The following NET1 variants were observed in gnomAD, a reference collection of about 807,000 sequenced individuals.
NET1 encodes neuroepithelial cell transforming 1, also known as neuroepithelial cell-transforming gene 1 protein.
NET1 carries 42 observed loss-of-function variants against 61.1 expected under a neutral mutation model. The ratio of observed to expected loss-of-function variants is 0.69; its 90% confidence interval spans 0.54 to 0.89. The LOEUF is 0.89. Ranked by LOEUF, NET1 falls within the 40% of genes least tolerant of loss-of-function variation. The pLI is 0.00. For synonymous variants in NET1, 254 were observed against 281.8 expected (o/e 0.90, Z 0.99); for missense variants, 654 against 747.3 (o/e 0.88, Z 1.46).
At chr10:5,428,499 C>CAAA (rs11459465) in intron 2 of NET1, among the ~76,000 whole-genome samples, 29,622 of 147,616 alleles carry the variant, frequency 0.2, 3,113 homozygotes, top group Non-Finnish European at 0.22. Flanking sequence ...TGTTCCTTTT[C>CAAA]AAAAAAAAAA....
Position 5,422,517 on chromosome 10 carries a change from G to A in NET1, c.129-4138G>A, listed in dbSNP as rs1348335833. ...GCCTTCAGAATTTCTCTTTCCTTCT[G>A]TTACTTGCTGTTGTCATTATCCCCT... On this transcript the variant is annotated intron_variant, in intron 1 of 11. Coordinates refer to ENST00000355029, the MANE Select transcript of NET1 (RefSeq NM_001047160.3). The surrounding 1 kb of genome is among the most constrained non-coding windows in gnomAD (Gnocchi z 4.1). Among the ~76,000 whole-genome samples, 2 of 152,082 alleles carry A rather than the reference G, an allele frequency of 1.3e-5. No homozygotes were observed. The highest frequency in any genetic ancestry group is 1.3e-4 in the Admixed American group (2 of 15,272).
chr10:5,427,593 ATAT>A lies in NET1; in HGVS notation c.195+877_195+879del, dbSNP rs1399935969. Reference sequence around the variant, plus strand: ...TAGTTGGCCTTTCAAACCTGGGATCATATTATTCATAATTTTCTGTATCTTCTG... The same window carrying A: ...TAGTTGGCCTTTCAAACCTGGGATCATATTCATAATTTTCTGTATCTTCTG... On this transcript the variant is annotated intron_variant, in intron 2 of 11. Transcript: ENST00000355029. This position sits in a 1 kb window ranked among gnomAD's most constrained non-coding sequence, Gnocchi z 4.1. 6.6e-6 allele frequency among the ~76,000 whole-genome samples: 1 copy of A among 152,202 alleles called. No individual in the cohort carries two copies. Among genetic ancestry groups the A allele is most frequent in the Non-Finnish European group, 1.5e-5 (1 of 68,032 alleles).
Position 5,452,723 on chromosome 10 carries a change from C to A in NET1, c.532-135C>A. ...ATACGGCAACCTTGTATTTGAGATT[C>A]CATTCTGAATTACAATTTTCAGACT... On this transcript the variant is annotated intron_variant, in intron 5 of 11. Transcript: ENST00000355029. The surrounding 1 kb of genome is among the most constrained non-coding windows in gnomAD (Gnocchi z 4.0). 1 of 954,026 alleles carries A rather than the reference C, an allele frequency of 1.0e-6. No homozygotes were observed. Among genetic ancestry groups the A allele is most frequent in the East Asian group, 2.6e-5 (1 of 38,946 alleles). The allele number at this position is 954,026 out of a possible 1,614,324, so 59.1% of individuals were successfully genotyped here.
intron 3 of NET1, among the ~76,000 whole-genome samples, chr10:5,434,915 A>G (rs576948243): frequency 7.2e-5 from 11 of 152,158 alleles, no homozygotes; most frequent in Admixed American, 6.5e-4. Flanking sequence ...CTGCATCTCT[A>G]CCTACAAAAT....
intron 3 of NET1, among the ~76,000 whole-genome samples, chr10:5,450,475 T>TC (rs1179810794): frequency 2.6e-5 from 4 of 152,088 alleles, no homozygotes; most frequent in African/African-American, 9.7e-5. Context: ...GTCAATATAG[T>TC]CTTCAGTTGT....
Position 5,453,335 on chromosome 10 carries a change from C to A in NET1, c.680C>A (p.Pro227His). ...TTTGGTGATCTGGACTCTTACATAC[C>A]TCTGCATGAAGGTTAGATGTGCCAC... ...HIFGDLDSYIPLHEDLLTRIG... is the reference protein window; with the variant it reads ...HIFGDLDSYIHLHEDLLTRIG... Residue 227 changes from proline (P) to histidine (H), a missense_variant, in exon 7 of 12, where the codon CCT becomes CAT. By Grantham distance (77) the Pro-to-His change is moderately conservative. Transcript: ENST00000355029. The surrounding 1 kb of genome is among the most constrained non-coding windows in gnomAD (Gnocchi z 4.9). 6.2e-7 allele frequency: 1 copy of A among 1,608,684 alleles called. No homozygotes were observed. Among genetic ancestry groups the A allele is most frequent in the Non-Finnish European group, 8.5e-7 (1 of 1,175,046 alleles).
chr10:5,438,791 A>G lies in NET1; in HGVS notation c.255+9562A>G, dbSNP rs534809848. ...GCCAACACTACAAGAAAAGAAAACT[A>G]TAGACCAACACCATTTCTCAGCTGC... On this transcript the variant is annotated intron_variant, in intron 3 of 11. Coordinates refer to ENST00000355029, the MANE Select transcript of NET1 (RefSeq NM_001047160.3). 1.5e-4 allele frequency among the ~76,000 whole-genome samples: 23 copies of G among 152,338 alleles called. 1 individual carries two copies. In the East Asian group the frequency reaches 3.9e-3, roughly 26 times the overall value.
intron 3 of NET1, among the ~76,000 whole-genome samples, chr10:5,430,363 T>A (rs1449101364): frequency 1.3e-5 from 2 of 151,478 alleles, no homozygotes; most frequent in Non-Finnish European, 2.9e-5. Context: ...ATCTTTATTG[T>A]CTTAGATAAA....
intron 2 of NET1, among the ~76,000 whole-genome samples, chr10:5,428,147 G>A (rs142258358): frequency 1.1e-3 from 166 of 148,760 alleles, no homozygotes; most frequent in African/African-American, 3.8e-3. Flanking sequence ...GGAAGTTGAC[G>A]GGAACCCTAA....
In NET1 at chr10:5,456,517, T is replaced by C; in HGVS notation, c.1385-71T>C. Reference sequence around the variant, plus strand: ...TAAATTGACAGTCACGTTAAGATTGTATGACCACTTTGTCTAGAATAAACC... The same window carrying C: ...TAAATTGACAGTCACGTTAAGATTGCATGACCACTTTGTCTAGAATAAACC... On this transcript the variant is annotated intron_variant, in intron 11 of 11. Coordinates refer to ENST00000355029, the MANE Select transcript of NET1 (RefSeq NM_001047160.3). This position sits in a 1 kb window ranked among gnomAD's most constrained non-coding sequence, Gnocchi z 7.0. 2 of 1,410,704 alleles carry C rather than the reference T, an allele frequency of 1.4e-6. No individual in the cohort carries two copies. Among genetic ancestry groups the C allele is most frequent in the Non-Finnish European group, 9.6e-7 (1 of 1,041,212 alleles). The allele number at this position is 1,410,704 out of a possible 1,614,324, so 87.4% of individuals were successfully genotyped here.
Position 5,453,062 on chromosome 10 carries a change from G to A in NET1, c.594+142G>A. The A allele has an allele frequency of 2.8e-6, 2 of 716,578 alleles. No individual in the cohort carries two copies. Among genetic ancestry groups the A allele is most frequent in the Non-Finnish European group, 4.9e-6 (2 of 410,456 alleles). The allele number at this position is 716,578 out of a possible 1,614,324, so 44.4% of individuals were successfully genotyped here. A position where few individuals can be genotyped will look rare whatever the true frequency, so the allele number is the denominator to read the frequency against. The stretch of plus-strand genomic sequence containing the variant: ...ATACATTTTTTTTAGGTGAGGTCTA[G>A]ACACATCCTCAAATACAAGTATTAG... On this transcript the variant is annotated intron_variant, in intron 6 of 11. Transcript: ENST00000355029. The surrounding 1 kb of genome is among the most constrained non-coding windows in gnomAD (Gnocchi z 4.9).
Position 5,435,165 on chromosome 10 carries a change from G to A in NET1, c.255+5936G>A, listed in dbSNP as rs561261785. ...GTGTAGCAGGAGAAGTGTGCTACGG[G>A]ACCTATTCCAGACCAATTCCATATA... is the stretch of plus-strand genomic sequence containing the variant. On this transcript the variant is annotated intron_variant, in intron 3 of 11. Coordinates refer to ENST00000355029, the MANE Select transcript of NET1 (RefSeq NM_001047160.3). This position sits in a 1 kb window ranked among gnomAD's most constrained non-coding sequence, Gnocchi z 5.0. Among the ~76,000 whole-genome samples the A allele has an allele frequency of 4.1e-4, 62 of 152,296 alleles. No homozygotes were observed. The highest frequency in any genetic ancestry group is 3.4e-3 in the Middle Eastern group (1 of 294).
At position 5,458,034 on chromosome 10, in the gene NET1, G is replaced by A. The variant is rs946296115; in HGVS notation, c.*1040G>A. 2 of 152,198 alleles carry A rather than the reference G, an allele frequency of 1.3e-5. No individual in the cohort carries two copies. The highest frequency in any genetic ancestry group is 2.9e-5 in the Non-Finnish European group (2 of 68,020). 9.4% of individuals were successfully genotyped at this position (152,198 alleles called of 1,614,324 possible). On this transcript the variant is annotated 3_prime_UTR_variant, in exon 12 of 12. Coordinates refer to ENST00000355029, the MANE Select transcript of NET1 (RefSeq NM_001047160.3). This position sits in a 1 kb window ranked among gnomAD's most constrained non-coding sequence, Gnocchi z 4.5. ...TGGTTGTGCCAGACATTTCACAAGT[G>A]TGAAAGGAGATAGGAGAAGCTCAAC...
intron 3 of NET1, among the ~76,000 whole-genome samples, chr10:5,434,883 T>A (rs1832403790): frequency 6.6e-6 from 1 of 152,172 alleles, no homozygotes; most frequent in African/African-American, 2.4e-5. Flanking sequence ...CCAAATTATA[T>A]ATAAAATATT....
chr10:5,421,091 A>G lies in NET1; in HGVS notation c.129-5564A>G, dbSNP rs774988411. On this transcript the variant is annotated intron_variant, in intron 1 of 11. Transcript: ENST00000355029. This position sits in a 1 kb window ranked among gnomAD's most constrained non-coding sequence, Gnocchi z 4.2. ...TTTAGACTAGAACCCATAGACAAAG[A>G]GTAACGTTTAAAGATTTTAGGCATT... is the stretch of plus-strand genomic sequence containing the variant. Among the ~76,000 whole-genome samples, 2 of 152,166 alleles carry G rather than the reference A, an allele frequency of 1.3e-5. No individual in the cohort carries two copies. The highest frequency in any genetic ancestry group is 4.8e-5 in the African/African-American group (2 of 41,438).
In NET1 at chr10:5,435,168, C is replaced by T. The variant is rs10795277; in HGVS notation, c.255+5939C>T. 0.61 allele frequency among the ~76,000 whole-genome samples: 92,921 copies of T among 151,956 alleles called. 28,957 individuals carry two copies. The highest frequency in any genetic ancestry group is 0.7 in the Admixed American group (10,765 of 15,272). ...TAGCAGGAGAAGTGTGCTACGGGAC[C>T]TATTCCAGACCAATTCCATATATGA... On this transcript the variant is annotated intron_variant, in intron 3 of 11. Coordinates refer to ENST00000355029, the MANE Select transcript of NET1 (RefSeq NM_001047160.3). This position sits in a 1 kb window ranked among gnomAD's most constrained non-coding sequence, Gnocchi z 5.0.
chr10:5,442,877 T>TAAAAAAAAAA, intron 3 of NET1, among the ~76,000 whole-genome samples: 1 of 141,614 alleles, frequency 7.1e-6, no homozygotes, highest in South Asian at 2.3e-4. Flanking sequence ...ACCCTGTCTT[T>TAAAAAAAAAA]AAAAAAAAAA....
rs945335296 is a variant in NET1, at chr10:5,423,834, T to C, written c.129-2821T>C. Among the ~76,000 whole-genome samples the C allele has an allele frequency of 2.0e-5, 3 of 152,208 alleles. No homozygotes were observed. Among genetic ancestry groups the C allele is most frequent in the Non-Finnish European group, 2.9e-5 (2 of 68,016 alleles). On this transcript the variant is annotated intron_variant, in intron 1 of 11. Transcript: ENST00000355029. This position sits in a 1 kb window ranked among gnomAD's most constrained non-coding sequence, Gnocchi z 4.4. ...AAATGAGTATATGTCTTTCCAAGAT[T>C]TGTGAAAGTTGGCACTGTCTCACAT...
In NET1 at chr10:5,447,331, GAAGGA is replaced by G. The variant is rs898326513; in HGVS notation, c.256-4495_256-4491del. On this transcript the variant is annotated intron_variant, in intron 3 of 11. Transcript: ENST00000355029. The surrounding 1 kb of genome is among the most constrained non-coding windows in gnomAD (Gnocchi z 4.1). The stretch of plus-strand genomic sequence containing the variant: ...TCATTGTATGCCACTTTTTTCTTCA[GAAGGA>G]AAGAGGCATGTTAGAATATTTAAAC... Among the ~76,000 whole-genome samples, 2 of 152,140 alleles carry G rather than the reference GAAGGA, an allele frequency of 1.3e-5. No individual in the cohort carries two copies. Among genetic ancestry groups the G allele is most frequent in the African/African-American group, 2.4e-5 (1 of 41,424 alleles).
Sources: gnomAD v4.1 joint callset for allele counts (sites outside exome capture counted in the v4.1 genomes callset) on GRCh38, gnomAD v4.1.1 for gene constraint, Gnocchi (gnomAD v3.1) non-coding constraint, MANE v1.5 for transcripts, NCBI Gene and HGNC (gene_info 2026-07-23, HGNC 2026-07-21) for gene names.